TBX19: variants seen among roughly 807,000 people sequenced by gnomAD.
TBX19 encodes the protein T-box transcription factor 19.
In TBX19, 33 loss-of-function variants were observed where a neutral mutation model predicts 40.9. That is an observed-to-expected ratio of 0.81 (90% CI 0.61 to 1.08). The LOEUF is 1.08. TBX19 is among the 50% of genes least tolerant of loss of function. The probability of loss-of-function intolerance (pLI) is 0.00; values close to 1 mark genes in which losing one functional copy is unlikely to be tolerated. For missense variants in TBX19, 494 were observed against 574.0 expected (o/e 0.86, Z 1.42); for synonymous variants, 220 against 225.0 (o/e 0.98, Z 0.20).
At chr1:168,304,338 T>C (rs942323109) in intron 5 of TBX19, among the ~76,000 whole-genome samples, 3 of 152,062 alleles carry the variant, frequency 2.0e-5, no homozygotes, top group Non-Finnish European at 4.4e-5. Flanking sequence ...TCACAGGGAA[T>C]TGAAGCTGTC....
chr1:168,297,538 G>A (rs1187126896), intron 3 of TBX19, 186 bp from the exon 4 acceptor site: 36 of 695,474 alleles, frequency 5.2e-5, no homozygotes, highest in Non-Finnish European at 9.7e-5. Context: ...TTAAGTGCTG[G>A]AGTAAGCAAA....
chr1:168,299,896 A>G (rs1256135972), intron 4 of TBX19, among the ~76,000 whole-genome samples: 2 of 152,234 alleles, frequency 1.3e-5, no homozygotes, highest in Admixed American at 6.5e-5. Context: ...TGACAGTAGC[A>G]TGGTATAATA....
At chr1:168,307,256 G>C (rs1192941159) in intron 6 of TBX19, among the ~76,000 whole-genome samples, 1 of 152,154 alleles carries the variant, frequency 6.6e-6, no homozygotes, top group Admixed American at 6.5e-5. Context: ...TTGAGATTGG[G>C]TAATTTATAA....
Position 168,291,252 on chromosome 1 carries a change from A to G in TBX19, c.296A>G (p.His99Arg), listed in dbSNP as rs1648931502. 1 of 1,614,092 alleles carries G rather than the reference A, an allele frequency of 6.2e-7. No individual in the cohort carries two copies. The highest frequency in any genetic ancestry group is 1.3e-5 in the African/African-American group (1 of 74,938). The change falls in exon 2 of 8, where the codon CAC becomes CGC. Residue 99 changes from histidine to arginine, a missense_variant. Physicochemically the swap from His to Arg is conservative, Grantham distance 29. Coordinates refer to ENST00000367821, the MANE Select transcript of TBX19 (RefSeq NM_005149.3). ...CTGGACTTTGTCCCTACGGACAGTC[A>G]CCGCTGGAAGTACGTCAACGGGGAA... ...LLLDFVPTDS[H>R]RWKYVNGEWV...
At chr1:168,301,696 A>C (rs1572480704) in intron 5 of TBX19, among the ~76,000 whole-genome samples, 1 of 152,370 alleles carries the variant, frequency 6.6e-6, no homozygotes, top group East Asian at 1.9e-4. Flanking sequence ...CTGAATATAT[A>C]CTTGGGTTAG....
At chr1:168,293,310 T>C (rs1249788321) in intron 3 of TBX19, 32 bp downstream of exon 3, 1 of 1,573,708 alleles carries the variant, frequency 6.4e-7, no homozygotes. Flanking sequence ...TGTGTGTGTG[T>C]GTGTGTGTGT....
rs144684783 is a variant in TBX19 at position 168,288,042 on chromosome 1, G to A, written c.204-3118G>A. On this transcript the variant is annotated intron_variant, in intron 1 of 7. Transcript: ENST00000367821. ...TCACTTAAGTGAAATATTCACCTAC[G>A]CAAAGTCCTAGGTGCAGAGTAAAAC... is the stretch of plus-strand genomic sequence containing the variant. Among the ~76,000 whole-genome samples the A allele has an allele frequency of 3.5e-3, 534 of 152,182 alleles. 4 individuals are homozygous for A. Among genetic ancestry groups the A allele is most frequent in the African/African-American group, 0.011 (477 of 41,514 alleles).
intron 7 of TBX19, 133 bp from the exon 8 acceptor site, chr1:168,312,575 T>TG: frequency 9.7e-7 from 1 of 1,029,866 alleles, no homozygotes. Flanking sequence ...GCGTCATAGC[T>TG]AGAAATAAAG....
intron 7 of TBX19, among the ~76,000 whole-genome samples, chr1:168,311,969 A>G (rs1043064846): frequency 2.6e-5 from 4 of 152,182 alleles, no homozygotes; most frequent in East Asian, 3.8e-4. Flanking sequence ...AGTGATTCCA[A>G]TGTGCCGAAT....
chr1:168,305,407 A>G (rs982672775), intron 6 of TBX19, among the ~76,000 whole-genome samples: 1 of 151,972 alleles, frequency 6.6e-6, no homozygotes, highest in Admixed American at 6.5e-5. Context: ...AGTTTTTTTT[A>G]AAAAAATTAT....
intron 1 of TBX19, among the ~76,000 whole-genome samples, chr1:168,287,296 C>G (rs1350021147): frequency 6.6e-6 from 1 of 152,184 alleles, no homozygotes; most frequent in Non-Finnish European, 1.5e-5. Flanking sequence ...TCCTTTGCCT[C>G]TAAGTGCACC....
intron 2 of TBX19, among the ~76,000 whole-genome samples, chr1:168,292,050 T>C (rs997692600): frequency 1.3e-5 from 2 of 152,196 alleles, no homozygotes; most frequent in East Asian, 3.8e-4. Flanking sequence ...TGCTAGTTAC[T>C]TTCTGTAATG....
At chr1:168,296,326 G>A (rs1649103581) in intron 3 of TBX19, among the ~76,000 whole-genome samples, 1 of 152,158 alleles carries the variant, frequency 6.6e-6, no homozygotes, top group Non-Finnish European at 1.5e-5. Context: ...TTTTCACGCT[G>A]CTAATAAAGA....
chr1:168,285,223 A>G (rs1648775079), intron 1 of TBX19, among the ~76,000 whole-genome samples: 1 of 150,814 alleles, frequency 6.6e-6, no homozygotes, highest in Non-Finnish European at 1.5e-5. Context: ...ATGCCTGCTC[A>G]CCTTCACATA....
Position 168,308,741 on chromosome 1 carries a change from G to C in TBX19, c.917-1G>C. 1 of 1,614,064 alleles carries C rather than the reference G, an allele frequency of 6.2e-7. No homozygotes were observed. Among genetic ancestry groups the C allele is most frequent in the Non-Finnish European group, 8.5e-7 (1 of 1,180,014 alleles). On this transcript the variant is annotated splice_acceptor_variant, in intron 6 of 7. Transcript: ENST00000367821. LOFTEE classifies it high-confidence loss of function. ...AATTCAACTGTTGTTATTTCCCCAA[G>C]TGAATTTGATAGAAAGCTCAAGCAA...
chr1:168,313,290 C>A lies in TBX19; in HGVS notation c.*288C>A. The A allele has an allele frequency of 2.1e-6, 1 of 480,598 alleles. No homozygotes were observed. The highest frequency in any genetic ancestry group is 3.5e-5 in the Admixed American group (1 of 28,822). 29.8% of individuals were successfully genotyped at this position (480,598 alleles called of 1,614,324 possible). A position where few individuals can be genotyped will look rare whatever the true frequency, so the allele number is the denominator to read the frequency against. ...GTTAAGTACCATCCTTGTGCCCTGC[C>A]TCTTATTCTCAAATCGTTCTGGAAA... On this transcript the variant is annotated 3_prime_UTR_variant, in exon 8 of 8. Coordinates refer to ENST00000367821, the MANE Select transcript of TBX19 (RefSeq NM_005149.3).
chr1:168,281,284 A>G lies in TBX19; in HGVS notation c.194A>G (p.Lys65Arg), dbSNP rs886045509. ...GTCACTAATGAGATGATTGTGACCAAGAATGGCAGGTGAGTTTATCTGCCG... is the reference window on the plus strand; with the variant it reads ...GTCACTAATGAGATGATTGTGACCAGGAATGGCAGGTGAGTTTATCTGCCG... The part of the protein sequence containing the change: ...KEVTNEMIVT[K>R]NGRRMFPVLK... Residue 65 changes from lysine (K) to arginine (R), a missense_variant, in exon 1 of 8, where the codon AAG becomes AGG. Coordinates refer to ENST00000367821, the MANE Select transcript of TBX19 (RefSeq NM_005149.3). 3 of 1,614,192 alleles carry G rather than the reference A, an allele frequency of 1.9e-6. No individual in the cohort carries two copies. The highest frequency in any genetic ancestry group is 1.7e-6 in the Non-Finnish European group (2 of 1,180,018).
chr1:168,306,973 G>A (rs188784966), intron 6 of TBX19, among the ~76,000 whole-genome samples: 1 of 152,340 alleles, frequency 6.6e-6, no homozygotes, highest in East Asian at 1.9e-4. Context: ...GAAAAGGACA[G>A]AGTGGGAGTG....
At chr1:168,311,447 TTGGGGCCAGAA>T (rs1365026620) in intron 7 of TBX19, among the ~76,000 whole-genome samples, 13 of 152,094 alleles carry the variant, frequency 8.5e-5, no homozygotes, top group Admixed American at 6.5e-4. Context: ...CTTCTGAAGA[TTGGGGCCAGAA>T]TCCCCATAAG....
Sources: allele counts gnomAD v4.1 joint callset (sites outside exome capture counted in the v4.1 genomes callset), GRCh38; gene constraint gnomAD v4.1.1; transcripts MANE v1.5; gene names NCBI Gene and HGNC (gene_info 2026-07-23, HGNC 2026-07-21).